The following RGS17 variants were observed in gnomAD, a reference collection of about 807,000 sequenced individuals.
RGS17 encodes the protein regulator of G protein signaling 17, also known as regulator of G-protein signaling 17.
In RGS17, 12 loss-of-function variants were observed where a neutral mutation model predicts 25.5. That is an observed-to-expected ratio of 0.47 (90% CI 0.30 to 0.76). The LOEUF (loss-of-function observed/expected upper bound fraction) is 0.76. Ranked by LOEUF, RGS17 falls within the 30% of genes least tolerant of loss-of-function variation. The pLI is 0.07. For synonymous variants in RGS17, 71 were observed against 76.9 expected, an observed-to-expected ratio of 0.92 and a Z score of 0.40; for missense variants, 196 against 242.2, an observed-to-expected ratio of 0.81 and a Z score of 1.27.
intron 1 of RGS17, among the ~76,000 whole-genome samples, chr6:153,050,442 C>T (rs932999849): frequency 7.2e-5 from 11 of 151,948 alleles, no homozygotes; most frequent in South Asian, 2.1e-4. Context: ...AATTTGCAGG[C>T]GGGTCATAAA....
intron 1 of RGS17, among the ~76,000 whole-genome samples, chr6:153,113,485 A>C (rs1339771680): frequency 6.6e-6 from 1 of 152,180 alleles, no homozygotes; most frequent in Non-Finnish European, 1.5e-5. Context: ...ATAGTGGGAG[A>C]CTTTAACACC....
intron 1 of RGS17, among the ~76,000 whole-genome samples, chr6:153,129,914 G>T (rs1003470759): frequency 2.6e-5 from 4 of 152,204 alleles, no homozygotes; most frequent in Non-Finnish European, 4.4e-5. Flanking sequence ...CTCCGGGCGA[G>T]GCGCAGGGCT....
At chr6:153,087,644 T>C (rs1777069433) in intron 1 of RGS17, among the ~76,000 whole-genome samples, 1 of 152,186 alleles carries the variant, frequency 6.6e-6, no homozygotes, top group South Asian at 2.1e-4. Context: ...CTTTCTGAAA[T>C]GTTTATAAGC....
In RGS17 at chr6:153,008,014, T is replaced by C. The variant is rs1426874710; in HGVS notation, c.*3560A>G. On this transcript the variant is annotated 3_prime_UTR_variant, in exon 5 of 5. Transcript: ENST00000206262. ...TAATTGGTATTTTTTGAGATATAAT[T>C]TGTCACAATTACAATATGATTTTTT... The C allele has an allele frequency of 2.6e-5, 4 of 152,258 alleles. No homozygotes were observed. The East Asian group carries it at 7.7e-4, about 29-fold the overall frequency. The allele number at this position is 152,258 out of a possible 1,614,324, so 9.4% of individuals were successfully genotyped here.
chr6:153,075,300 G>A (rs1006803948), intron 1 of RGS17, among the ~76,000 whole-genome samples: 8 of 152,140 alleles, frequency 5.3e-5, no homozygotes, highest in African/African-American at 1.9e-4. Flanking sequence ...CTGAACTAGG[G>A]AGAATTGTAA....
At chr6:153,120,285 A>C (rs1777607431) in intron 1 of RGS17, among the ~76,000 whole-genome samples, 1 of 152,136 alleles carries the variant, frequency 6.6e-6, no homozygotes, top group Admixed American at 6.5e-5. Context: ...ATGTCAAACT[A>C]CTGAACTCAA....
At chr6:153,090,320 C>A (rs1245004550) in intron 1 of RGS17, among the ~76,000 whole-genome samples, 2 of 151,652 alleles carry the variant, frequency 1.3e-5, no homozygotes, top group Non-Finnish European at 2.9e-5. Context: ...AATATTAAAT[C>A]GAAAATTCCA....
Position 153,011,408 on chromosome 6 carries a change from C to A in RGS17, c.*166G>T. ...GTGTGGTATTTTCTCCAAACTTAAC[C>A]ATGGAAAACCTTGATAAAAATGGAG... On this transcript the variant is annotated 3_prime_UTR_variant, in exon 5 of 5. Coordinates refer to ENST00000206262, the MANE Select transcript of RGS17 (RefSeq NM_012419.5). 1 of 579,928 alleles carries A rather than the reference C, an allele frequency of 1.7e-6. No individual in the cohort carries two copies. Among genetic ancestry groups the A allele is most frequent in the South Asian group, 2.3e-5 (1 of 42,892 alleles). The allele number at this position is 579,928 out of a possible 1,614,324, so 35.9% of individuals were successfully genotyped here. A position where few individuals can be genotyped will look rare whatever the true frequency, so the allele number is the denominator to read the frequency against.
At chr6:153,098,884 C>G (rs898026536) in intron 1 of RGS17, among the ~76,000 whole-genome samples, 1 of 152,126 alleles carries the variant, frequency 6.6e-6, no homozygotes, top group Non-Finnish European at 1.5e-5. Context: ...CAGAACTACA[C>G]CTGGTGCATT....
At chr6:153,053,221 A>G (rs919084449) in intron 1 of RGS17, among the ~76,000 whole-genome samples, 1 of 152,256 alleles carries the variant, frequency 6.6e-6, no homozygotes, top group African/African-American at 2.4e-5. Flanking sequence ...ACTTAGATCT[A>G]TATGAATCAA....
intron 1 of RGS17, among the ~76,000 whole-genome samples, chr6:153,053,425 A>T (rs529745417): frequency 6.6e-6 from 1 of 152,334 alleles, no homozygotes; most frequent in African/African-American, 2.4e-5. Context: ...TCAGGCTGTG[A>T]TTGCAAAAGA....
chr6:153,071,079 G>C (rs1049130357), intron 1 of RGS17, among the ~76,000 whole-genome samples: 3 of 149,208 alleles, frequency 2.0e-5, no homozygotes, highest in African/African-American at 7.4e-5. Flanking sequence ...ATACGTATAT[G>C]TACACATGTA....
At chr6:153,101,877 C>A (rs548619553) in intron 1 of RGS17, among the ~76,000 whole-genome samples, 7 of 152,240 alleles carry the variant, frequency 4.6e-5, no homozygotes, top group Admixed American at 4.6e-4. Context: ...TTTCCTGAGA[C>A]CCCCAAGTCA....
chr6:153,097,020 C>T (rs549764506), intron 1 of RGS17, among the ~76,000 whole-genome samples: 22 of 152,192 alleles, frequency 1.4e-4, no homozygotes, highest in African/African-American at 4.1e-4. Flanking sequence ...TGGCTTGCAA[C>T]TTCAGAACAA....
chr6:153,039,467 A>C (rs1270877284), intron 2 of RGS17, among the ~76,000 whole-genome samples: 1 of 152,206 alleles, frequency 6.6e-6, no homozygotes, highest in African/African-American at 2.4e-5. Context: ...CACCACCATG[A>C]TGTGCCAAGC....
chr6:153,024,181 C>T, intron 4 of RGS17, 81 bp downstream of exon 4: 1 of 870,396 alleles, frequency 1.1e-6, no homozygotes, highest in African/African-American at 1.7e-5. Context: ...ACACCCCATG[C>T]CCTACCCAAT....
chr6:153,018,196 AT>A lies in RGS17; in HGVS notation c.444+6065del, dbSNP rs1412390440. Among the ~76,000 whole-genome samples, 21 of 152,184 alleles carry A rather than the reference AT, an allele frequency of 1.4e-4. No individual in the cohort carries two copies. In the East Asian group the frequency reaches 3.9e-3, roughly 28 times the overall value. The stretch of plus-strand genomic sequence containing the variant: ...GTTCAGGCCTGTGGTTAAGGTTGCT[AT>A]TTCTCATCATGTGTGAAGTTCTACG... On this transcript the variant is annotated intron_variant, in intron 4 of 4. Coordinates refer to ENST00000206262, the MANE Select transcript of RGS17 (RefSeq NM_012419.5).
At chr6:153,100,921 G>A (rs1777293536) in intron 1 of RGS17, among the ~76,000 whole-genome samples, 1 of 152,136 alleles carries the variant, frequency 6.6e-6, no homozygotes, top group East Asian at 1.9e-4. Flanking sequence ...TCTGCCCTCA[G>A]TTCTGTTTTC....
chr6:153,092,580 A>G (rs982368864), intron 1 of RGS17, among the ~76,000 whole-genome samples: 5 of 152,176 alleles, frequency 3.3e-5, no homozygotes, highest in African/African-American at 1.2e-4. Flanking sequence ...ACAATTATAT[A>G]TGGCTTGGTG....
Sources: gnomAD v4.1 joint callset for allele counts (sites outside exome capture counted in the v4.1 genomes callset) on GRCh38, gnomAD v4.1.1 for gene constraint, MANE v1.5 for transcripts, NCBI Gene and HGNC (gene_info 2026-07-23, HGNC 2026-07-21) for gene names.